Variants in PIP5K1B observed in about 807,000 individuals in gnomAD.
The protein encoded by PIP5K1B is phosphatidylinositol 4-phosphate 5-kinase type-1 beta.
A neutral mutation model predicts 67.0 loss-of-function variants in PIP5K1B; 42 were observed. The ratio of observed to expected loss-of-function variants is 0.63; its 90% CI spans 0.49 to 0.81. The LOEUF (loss-of-function observed/expected upper bound fraction) is 0.81, where lower values mean the gene tolerates loss of function less well. Ranked by LOEUF, PIP5K1B falls within the 30% of genes least tolerant of loss-of-function variation. The probability of loss-of-function intolerance (pLI) is 0.00; values close to 1 mark genes in which losing one functional copy is unlikely to be tolerated. For synonymous variants in PIP5K1B, 214 were observed against 231.4 expected (o/e 0.92, Z 0.68); for missense variants, 459 against 646.3 (o/e 0.71, Z 3.14).
intron 12 of PIP5K1B, among the ~76,000 whole-genome samples, chr9:68,923,939 T>C (rs781753714): frequency 7.9e-5 from 12 of 151,992 alleles, no homozygotes; most frequent in Non-Finnish European, 1.6e-4. Flanking sequence ...TTCTCAAGTA[T>C]TTGAAAATTA....
rs1367349387 is a variant in PIP5K1B at position 68,754,314 on chromosome 9, C to T, written c.-86+11657C>T. Among the ~76,000 whole-genome samples the T allele has an allele frequency of 2.6e-5, 4 of 151,626 alleles. No individual in the cohort carries two copies. The South Asian group carries it at 6.2e-4, about 24-fold the overall frequency. ...CCTCCCAAGTAGCTGGGACTACAGGCGCCCGCCACCATGCCTGACTGATTT... is the reference window on the plus strand; with the variant it reads ...CCTCCCAAGTAGCTGGGACTACAGGTGCCCGCCACCATGCCTGACTGATTT... On this transcript the variant is annotated intron_variant, in intron 2 of 15. Coordinates refer to ENST00000265382, the MANE Select transcript of PIP5K1B (RefSeq NM_003558.4).
chr9:68,905,260 A>G (rs1825550310), intron 8 of PIP5K1B, among the ~76,000 whole-genome samples: 1 of 152,084 alleles, frequency 6.6e-6, no homozygotes, highest in African/African-American at 2.4e-5. Context: ...GAGGAAAGCT[A>G]TGGCAGGAAG....
intron 4 of PIP5K1B, among the ~76,000 whole-genome samples, chr9:68,852,467 G>A (rs1003259578): frequency 3.3e-5 from 5 of 151,952 alleles, no homozygotes; most frequent in East Asian, 1.9e-4. Context: ...CAACCAGACC[G>A]AGTCAAACCC....
intron 5 of PIP5K1B, among the ~76,000 whole-genome samples, chr9:68,871,433 G>A (rs190140748): frequency 5.9e-5 from 9 of 152,260 alleles, no homozygotes; most frequent in Admixed American, 2.6e-4. Context: ...TCCAGATGGC[G>A]GCTAATGCTT....
intron 13 of PIP5K1B, among the ~76,000 whole-genome samples, chr9:68,937,343 G>T (rs567818994): frequency 5.9e-5 from 9 of 151,988 alleles, no homozygotes; most frequent in Admixed American, 5.9e-4. Context: ...ACTTGGGAGG[G>T]TCCAAAGAAT....
At chr9:68,985,149 T>G (rs1830046196) in intron 14 of PIP5K1B, among the ~76,000 whole-genome samples, 1 of 152,204 alleles carries the variant, frequency 6.6e-6, no homozygotes, top group African/African-American at 2.4e-5. Context: ...CTCAGAAATG[T>G]AGGCTTACAG....
At chr9:68,807,123 G>A (rs1052485035) in intron 2 of PIP5K1B, among the ~76,000 whole-genome samples, 3 of 152,054 alleles carry the variant, frequency 2.0e-5, no homozygotes, top group Non-Finnish European at 4.4e-5. Context: ...TCTCTTTTGT[G>A]TGCCTTGAGA....
chr9:68,997,893 A>G (rs902934438), intron 15 of PIP5K1B, among the ~76,000 whole-genome samples: 1 of 152,114 alleles, frequency 6.6e-6, no homozygotes, highest in Non-Finnish European at 1.5e-5. Flanking sequence ...GGAGTTATAA[A>G]GGCACACTGG....
At chr9:68,743,582 G>A (rs182739403) in intron 2 of PIP5K1B, among the ~76,000 whole-genome samples, 2 of 152,288 alleles carry the variant, frequency 1.3e-5, no homozygotes, top group African/African-American at 4.8e-5. Context: ...TTCACATGGT[G>A]TAGATTTGGT....
intron 8 of PIP5K1B, among the ~76,000 whole-genome samples, chr9:68,901,776 A>C (rs1178625178): frequency 1.3e-5 from 2 of 152,210 alleles, no homozygotes; most frequent in Non-Finnish European, 2.9e-5. Flanking sequence ...AGTTCCTAAG[A>C]AACAGTAAAA....
At chr9:68,915,745 A>C (rs78770347) in intron 8 of PIP5K1B, among the ~76,000 whole-genome samples, 2,773 of 152,134 alleles carry the variant, frequency 0.018, 71 homozygotes, top group African/African-American at 0.06. Flanking sequence ...ATAAGATTCT[A>C]CTCTGAGCTC....
At chr9:68,928,714 G>A (rs368850587) in intron 12 of PIP5K1B, among the ~76,000 whole-genome samples, 1 of 152,142 alleles carries the variant, frequency 6.6e-6, no homozygotes, top group Non-Finnish European at 1.5e-5. Flanking sequence ...TGTTTATAGT[G>A]CTGCTACAGT....
chr9:68,966,513 A>C (rs994125550), intron 14 of PIP5K1B: 1 of 152,260 alleles, frequency 6.6e-6, no homozygotes, highest in Non-Finnish European at 1.5e-5. Flanking sequence ...TGAGAAAAAC[A>C]TCAAGCAACC....
intron 14 of PIP5K1B, among the ~76,000 whole-genome samples, chr9:68,962,168 C>T (rs1828786361): frequency 6.6e-6 from 1 of 152,012 alleles, no homozygotes; most frequent in Non-Finnish European, 1.5e-5. Flanking sequence ...ACAGTATGAA[C>T]TATCAAGATC....
intron 9 of PIP5K1B, 76 bp from the exon 10 acceptor site, chr9:68,919,403 T>C: frequency 1.4e-6 from 1 of 696,852 alleles, no homozygotes; most frequent in South Asian, 2.1e-5. Context: ...TTTCAGTCTA[T>C]TTATTAGAAA....
intron 2 of PIP5K1B, among the ~76,000 whole-genome samples, chr9:68,803,479 A>G (rs1344666534): frequency 1.3e-5 from 2 of 152,250 alleles, no homozygotes; most frequent in African/African-American, 4.8e-5. Context: ...CCCAAGAAAA[A>G]GTGTTCAGAG....
At chr9:68,973,204 C>T (rs1351249428) in intron 14 of PIP5K1B, among the ~76,000 whole-genome samples, 2 of 152,034 alleles carry the variant, frequency 1.3e-5, no homozygotes, top group African/African-American at 4.8e-5. Context: ...TCATCTGTTG[C>T]AGTGAACTCC....
At chr9:68,987,006 A>C (rs1258636321) in intron 14 of PIP5K1B, among the ~76,000 whole-genome samples, 1 of 152,210 alleles carries the variant, frequency 6.6e-6, no homozygotes, top group Admixed American at 6.5e-5. Context: ...TAATTGCAGC[A>C]CTTTGGGAGG....
chr9:68,965,197 G>T (rs147102273), intron 14 of PIP5K1B, among the ~76,000 whole-genome samples: 2 of 125,158 alleles, frequency 1.6e-5, no homozygotes, highest in East Asian at 4.8e-4. Flanking sequence ...TTATTGTGAG[G>T]ATGAGATAAG....
Sources: allele counts gnomAD v4.1 joint callset (sites outside exome capture counted in the v4.1 genomes callset), GRCh38; gene constraint gnomAD v4.1.1; transcripts MANE v1.5; gene names NCBI Gene and HGNC (gene_info 2026-07-23, HGNC 2026-07-21).